MMP26: variants seen among roughly 807,000 people sequenced by gnomAD.
The protein encoded by MMP26 is matrix metalloproteinase-26.
In MMP26, 33 loss-of-function variants were observed where a neutral mutation model predicts 31.0. The observed-to-expected ratio is 1.06, with a 90% CI of 0.81 to 1.42. The LOEUF (loss-of-function observed/expected upper bound fraction) is 1.42. MMP26 is among the 40% of genes most tolerant of loss of function. The probability of loss-of-function intolerance (pLI) is 0.00; values close to 1 mark genes in which losing one functional copy is unlikely to be tolerated. For synonymous variants in MMP26, 122 were observed against 114.9 expected (o/e 1.06, Z -0.40); for missense variants, 347 against 316.1 (o/e 1.10, Z -0.74).
chr11:4,850,887 A>G (rs1484617003), intron 2 of MMP26, among the ~76,000 whole-genome samples: 2 of 149,552 alleles, frequency 1.3e-5, no homozygotes, highest in Non-Finnish European at 1.5e-5. Flanking sequence ...TTCCAAATAC[A>G]TATGTTATAA....
At chr11:4,880,465 G>A (rs1850445113) in intron 2 of MMP26, among the ~76,000 whole-genome samples, 1 of 151,958 alleles carries the variant, frequency 6.6e-6, no homozygotes, top group Admixed American at 6.6e-5. Context: ...AAATTGAGAT[G>A]GGAGAGAGAA....
intron 2 of MMP26, among the ~76,000 whole-genome samples, chr11:4,790,013 A>G (rs1164845239): frequency 6.6e-6 from 1 of 152,186 alleles, no homozygotes; most frequent in Non-Finnish European, 1.5e-5. Context: ...AGATGGATGC[A>G]CACATATTGA....
intron 2 of MMP26, chr11:4,876,851 C>G (rs145349992): frequency 6.5e-6 from 1 of 153,566 alleles, no homozygotes; most frequent in Non-Finnish European, 1.5e-5. Context: ...CTTTTAATGG[C>G]TGCCTTATCC....
intron 1 of MMP26, chr11:4,723,686 T>C: frequency 3.3e-6 from 3 of 921,306 alleles, no homozygotes; most frequent in Non-Finnish European, 5.4e-6. Context: ...CCTTGCATGT[T>C]GCCAAGCTTC....
chr11:4,706,830 C>G lies in MMP26; in HGVS notation c.-217+1785C>G, dbSNP rs146744711. Reference sequence around the variant, plus strand: ...CTAGTTTCTGTTTCTATGAGTTTGGCTAAGAGATACTTCACATATAAGTGG... The same window carrying G: ...CTAGTTTCTGTTTCTATGAGTTTGGGTAAGAGATACTTCACATATAAGTGG... On this transcript the variant is annotated intron_variant, in intron 1 of 7. Transcript: ENST00000380390. 6.6e-4 allele frequency among the ~76,000 whole-genome samples: 101 copies of G among 152,206 alleles called. 1 individual carries two copies. The highest frequency in any genetic ancestry group is 2.3e-3 in the African/African-American group (97 of 41,528).
chr11:4,954,174 T>G (rs1846402668), intron 2 of MMP26, among the ~76,000 whole-genome samples: 2 of 121,384 alleles, frequency 1.6e-5, no homozygotes, highest in Admixed American at 1.9e-4. Flanking sequence ...AGCGAATCTT[T>G]TATAAGGCAG....
intron 2 of MMP26, chr11:4,863,496 TCC>T (rs1850193128): frequency 6.6e-6 from 1 of 152,190 alleles, no homozygotes; most frequent in Non-Finnish European, 1.5e-5. Flanking sequence ...TTCTCATCTG[TCC>T]TTATAACATT....
At chr11:4,818,603 C>A (rs1214295284) in intron 2 of MMP26, among the ~76,000 whole-genome samples, 1 of 152,014 alleles carries the variant, frequency 6.6e-6, no homozygotes, top group African/African-American at 2.4e-5. Flanking sequence ...ATTATAATCC[C>A]AGCTTCTTAA....
chr11:4,741,841 G>A (rs1308077414), intron 1 of MMP26, among the ~76,000 whole-genome samples: 1 of 152,060 alleles, frequency 6.6e-6, no homozygotes, highest in East Asian at 1.9e-4. Flanking sequence ...ACAATAATGG[G>A]TGCATAAAGA....
At chr11:4,754,522 A>G (rs1848483678) in intron 1 of MMP26, among the ~76,000 whole-genome samples, 1 of 152,082 alleles carries the variant, frequency 6.6e-6, no homozygotes, top group South Asian at 2.1e-4. Flanking sequence ...TGGAAATGAC[A>G]TATTTATTAT....
intron 2 of MMP26, chr11:4,908,259 A>C (rs1478801488): frequency 1.2e-6 from 2 of 1,614,028 alleles, no homozygotes; most frequent in African/African-American, 2.7e-5. Flanking sequence ...AAGACTCGAC[A>C]AATCTGGGAG....
At chr11:4,849,027 G>T (rs1849931715) in intron 2 of MMP26, 1 of 1,613,942 alleles carries the variant, frequency 6.2e-7, no homozygotes, top group Non-Finnish European at 8.5e-7. Flanking sequence ...GTGCAGGGCG[G>T]GCTGCAGGGC....
At chr11:4,812,872 T>A (rs1849368169) in intron 2 of MMP26, among the ~76,000 whole-genome samples, 1 of 152,086 alleles carries the variant, frequency 6.6e-6, no homozygotes, top group African/African-American at 2.4e-5. Flanking sequence ...GGCAGATGTG[T>A]GTGTGTGTAA....
intron 2 of MMP26, among the ~76,000 whole-genome samples, chr11:4,941,255 C>T (rs200115598): frequency 6.6e-6 from 1 of 152,170 alleles, no homozygotes; most frequent in Non-Finnish European, 1.5e-5. Flanking sequence ...CAAGAATGAA[C>T]AAACCATGGG....
chr11:4,984,047 T>C (rs548036319), intron 2 of MMP26, among the ~76,000 whole-genome samples: 2 of 152,276 alleles, frequency 1.3e-5, no homozygotes, highest in South Asian at 2.1e-4. Context: ...CTCATGTATT[T>C]GAGTGCTGGG....
chr11:4,914,887 G>A, intron 2 of MMP26: 1 of 1,614,164 alleles, frequency 6.2e-7, no homozygotes, highest in African/African-American at 1.3e-5. Flanking sequence ...GGCCAATCAT[G>A]GGAGTGTAGA....
chr11:4,820,381 A>C (rs984039577), intron 2 of MMP26, among the ~76,000 whole-genome samples: 3 of 152,140 alleles, frequency 2.0e-5, no homozygotes, highest in African/African-American at 7.2e-5. Context: ...TGTTCAAGAA[A>C]TGCTGGCTAT....
chr11:4,730,752 A>G (rs1207159604), intron 1 of MMP26, among the ~76,000 whole-genome samples: 1 of 152,150 alleles, frequency 6.6e-6, no homozygotes, highest in Non-Finnish European at 1.5e-5. Context: ...TACTAACCAT[A>G]TGAGATGACA....
Position 4,943,589 on chromosome 11 carries a change from A to G in MMP26, c.-144-44479A>G, listed in dbSNP as rs988758003. 15 of 412,712 alleles carry G rather than the reference A, an allele frequency of 3.6e-5. No individual in the cohort carries two copies. In the Admixed American group the frequency reaches 4.0e-4, roughly 11 times the overall value. The allele number at this position is 412,712 out of a possible 1,614,324, so 25.6% of individuals were successfully genotyped here. On this transcript the variant is annotated intron_variant, in intron 2 of 7. Coordinates refer to ENST00000380390, the MANE Select transcript of MMP26 (RefSeq NM_021801.5). ...ATGGTTAGTAGCGTCTCCGGCCTCT[A>G]ATCAGTGGAAGTCAGTGACACACCC...
Sources: gnomAD v4.1 joint callset for allele counts (sites outside exome capture counted in the v4.1 genomes callset) on GRCh38, gnomAD v4.1.1 for gene constraint, MANE v1.5 for transcripts, NCBI Gene and HGNC (gene_info 2026-07-23, HGNC 2026-07-21) for gene names.